COLGALT2: variants seen among roughly 807,000 people sequenced by gnomAD.
COLGALT2 encodes the protein collagen beta(1-O)galactosyltransferase 2.
In COLGALT2, 49 loss-of-function variants were observed where a neutral mutation model predicts 73.4. That is an observed-to-expected ratio of 0.67 (90% CI 0.53 to 0.85). COLGALT2 has a LOEUF of 0.85. Ranked by LOEUF, COLGALT2 falls within the 40% of genes least tolerant of loss-of-function variation. The probability of loss-of-function intolerance (pLI) is 0.00; values close to 1 mark genes in which losing one functional copy is unlikely to be tolerated. For missense variants in COLGALT2, 722 were observed against 790.2 expected (o/e 0.91, Z 1.03); for synonymous variants, 295 against 307.6 (o/e 0.96, Z 0.43).
Position 184,036,795 on chromosome 1 carries a change from C to T in COLGALT2, c.263+300G>A, listed in dbSNP as rs537751582. 2.0e-5 allele frequency among the ~76,000 whole-genome samples: 3 copies of T among 152,320 alleles called. No individual in the cohort carries two copies. The South Asian group carries it at 6.2e-4, about 32-fold the overall frequency. ...CTGAAAGTCCCCTTGAGGGGTGTCCCCCATGCCCCTTGTGGGACAAAGCCC... is the reference window on the plus strand; with the variant it reads ...CTGAAAGTCCCCTTGAGGGGTGTCCTCCATGCCCCTTGTGGGACAAAGCCC... On this transcript the variant is annotated intron_variant, in intron 1 of 11. Transcript: ENST00000361927.
chr1:183,956,803 T>G (rs973349882), intron 6 of COLGALT2, among the ~76,000 whole-genome samples: 1 of 151,718 alleles, frequency 6.6e-6, no homozygotes, highest in Non-Finnish European at 1.5e-5. Flanking sequence ...ATCAGAGAAG[T>G]GTGCTTGGGT....
chr1:183,955,779 G>A lies in COLGALT2; in HGVS notation c.953-941C>T, dbSNP rs971773169. On this transcript the variant is annotated intron_variant, in intron 6 of 11. Coordinates refer to ENST00000361927, the MANE Select transcript of COLGALT2 (RefSeq NM_015101.4). ...CAAAGAAAATTTAAAATGATAGCTGGTAACTGGGTTGTTGAAAGAACTATG... is the reference window on the plus strand; with the variant it reads ...CAAAGAAAATTTAAAATGATAGCTGATAACTGGGTTGTTGAAAGAACTATG... Among the ~76,000 whole-genome samples, 4 of 152,206 alleles carry A rather than the reference G, an allele frequency of 2.6e-5. No homozygotes were observed. The East Asian group carries it at 7.7e-4, about 29-fold the overall frequency.
intron 1 of COLGALT2, among the ~76,000 whole-genome samples, chr1:184,003,493 T>A (rs1350165965): frequency 6.8e-6 from 1 of 147,654 alleles, no homozygotes; most frequent in Non-Finnish European, 1.5e-5. Context: ...GTCATGGGAG[T>A]GATGAGCCTT....
At chr1:183,930,135 G>T in exon 12 of COLGALT2, 1 of 451,734 alleles carries the variant, frequency 2.2e-6, no homozygotes, top group South Asian at 1.6e-5. Flanking sequence ...GTACAGGGGA[G>T]GTGGGAAATG....
In COLGALT2 at chr1:183,938,534, C is replaced by A; in HGVS notation, c.*227G>T. 1.4e-6 allele frequency: 2 copies of A among 1,398,820 alleles called. No individual in the cohort carries two copies. The highest frequency in any genetic ancestry group is 1.9e-6 in the Non-Finnish European group (2 of 1,079,134). 86.7% of individuals were successfully genotyped at this position (1,398,820 alleles called of 1,614,324 possible). ...GATTACAGTTTATCTTAACAGTTTC[C>A]AAAAAACCTGTCTTTCAGCCGTCTT... On this transcript the variant is annotated 3_prime_UTR_variant, in exon 12 of 12. Coordinates refer to ENST00000361927, the MANE Select transcript of COLGALT2 (RefSeq NM_015101.4).
At chr1:183,950,935 A>T (rs142057483) in intron 8 of COLGALT2, 72 bp downstream of exon 8, 8 of 1,128,528 alleles carry the variant, frequency 7.1e-6, no homozygotes, top group African/African-American at 1.5e-5. Flanking sequence ...CCCACCTGGG[A>T]CTAACTCTCT....
chr1:183,968,954 ACTT>A (rs955367944), intron 5 of COLGALT2, among the ~76,000 whole-genome samples: 3 of 152,106 alleles, frequency 2.0e-5, no homozygotes, highest in Non-Finnish European at 4.4e-5. Flanking sequence ...TAATAAATGA[ACTT>A]CTATAATAAA....
At chr1:183,934,957 C>T (rs918144960), downstream of COLGALT2, among the ~76,000 whole-genome samples, 4 of 152,216 alleles carry the variant, frequency 2.6e-5, no homozygotes, top group Non-Finnish European at 5.9e-5. Context: ...GAGAGGGAGG[C>T]AGCCAACTTG....
chr1:183,945,614 C>A (rs1295563236), intron 8 of COLGALT2, 50 bp from the exon 9 acceptor site: 1 of 1,605,622 alleles, frequency 6.2e-7, no homozygotes, highest in Admixed American at 1.7e-5. Context: ...AGGTCCCCAC[C>A]ACAAAGGCCA....
rs187816785 is a variant in COLGALT2, at chr1:183,982,994, G to C, written c.264-4474C>G. Among the ~76,000 whole-genome samples, 121 of 152,308 alleles carry C rather than the reference G, an allele frequency of 7.9e-4. 1 individual carries two copies. Among genetic ancestry groups the C allele is most frequent in the South Asian group, 4.6e-3 (22 of 4,826 alleles). On this transcript the variant is annotated intron_variant, in intron 1 of 11. Transcript: ENST00000361927. ...TACAGATTAAACAACTCCAAAACCTGCCTAAGCATCCACTCCTGATGAACA... is the reference window on the plus strand; with the variant it reads ...TACAGATTAAACAACTCCAAAACCTCCCTAAGCATCCACTCCTGATGAACA...
At chr1:183,993,932 T>G (rs35868438) in intron 1 of COLGALT2, among the ~76,000 whole-genome samples, 1 of 151,584 alleles carries the variant, frequency 6.6e-6, no homozygotes, top group East Asian at 1.9e-4. Context: ...AGGACTGTTA[T>G]GTGTATGAAG....
At chr1:183,957,562 C>T (rs1670585895) in intron 6 of COLGALT2, among the ~76,000 whole-genome samples, 1 of 152,214 alleles carries the variant, frequency 6.6e-6, no homozygotes, top group Non-Finnish European at 1.5e-5. Context: ...TCCTTACCCA[C>T]TATGCCTGGG....
chr1:184,020,377 T>C (rs1485305890), intron 1 of COLGALT2, among the ~76,000 whole-genome samples: 3 of 152,228 alleles, frequency 2.0e-5, no homozygotes, highest in Non-Finnish European at 2.9e-5. Flanking sequence ...TATACTGTTG[T>C]TGATGATATT....
chr1:184,008,109 A>G (rs141644082), intron 1 of COLGALT2, among the ~76,000 whole-genome samples: 1 of 152,338 alleles, frequency 6.6e-6, no homozygotes, highest in East Asian at 1.9e-4. Flanking sequence ...ATCACTAGAA[A>G]GGGGCAAACA....
intron 1 of COLGALT2, among the ~76,000 whole-genome samples, chr1:184,033,329 C>T (rs1649573495): frequency 6.6e-6 from 1 of 152,164 alleles, no homozygotes; most frequent in African/African-American, 2.4e-5. Flanking sequence ...TAAGGAGAAC[C>T]CACTGAAGTA....
chr1:183,952,487 A>T (rs1670428551), intron 7 of COLGALT2, among the ~76,000 whole-genome samples: 1 of 152,228 alleles, frequency 6.6e-6, no homozygotes, highest in South Asian at 2.1e-4. Flanking sequence ...GCCAGAATAA[A>T]GGAGAAACTT....
intron 1 of COLGALT2, among the ~76,000 whole-genome samples, chr1:183,999,892 T>C (rs1161215137): frequency 1.3e-5 from 2 of 152,132 alleles, no homozygotes; most frequent in African/African-American, 4.8e-5. Context: ...TTATTAGTCC[T>C]CTTTGATATC....
intron 1 of COLGALT2, among the ~76,000 whole-genome samples, chr1:184,014,350 T>C (rs1648930485): frequency 6.6e-6 from 1 of 152,086 alleles, no homozygotes; most frequent in South Asian, 2.1e-4. Flanking sequence ...AGGAAACTGG[T>C]CCACATGATT....
intron 1 of COLGALT2, among the ~76,000 whole-genome samples, chr1:184,019,637 G>A (rs975002974): frequency 1.3e-5 from 2 of 152,154 alleles, no homozygotes; most frequent in African/African-American, 4.8e-5. Flanking sequence ...ACACTCCATT[G>A]TTGAGACTCA....
Sources: gnomAD v4.1 joint callset for allele counts (sites outside exome capture counted in the v4.1 genomes callset) on GRCh38, gnomAD v4.1.1 for gene constraint, MANE v1.5 for transcripts, NCBI Gene and HGNC (gene_info 2026-07-23, HGNC 2026-07-21) for gene names.